The following TRIM44 variants were observed in gnomAD, a reference collection of about 807,000 sequenced individuals.
TRIM44 encodes the protein tripartite motif containing 44.
Under a neutral mutation model 37.4 loss-of-function variants are expected in TRIM44, and 13 were observed. The observed-to-expected ratio is 0.35, with a 90% CI of 0.23 to 0.55. The LOEUF (loss-of-function observed/expected upper bound fraction) is 0.55, where lower values mean the gene tolerates loss of function less well. TRIM44 is among the 20% of genes least tolerant of loss of function. The probability of loss-of-function intolerance (pLI) is 0.89; values close to 1 mark genes in which losing one functional copy is unlikely to be tolerated. For missense variants in TRIM44, 426 were observed against 437.2 expected (o/e 0.97, Z 0.23); for synonymous variants, 175 against 157.2 (o/e 1.11, Z -0.85).
intron 4 of TRIM44, among the ~76,000 whole-genome samples, chr11:35,782,187 G>A (rs10836450): frequency 0.041 from 6,304 of 152,226 alleles, 325 homozygotes; most frequent in East Asian, 0.14. Flanking sequence ...GTGAAGTCCA[G>A]CGGGTGGGGG....
Position 35,724,728 on chromosome 11 carries a change from A to C in TRIM44, c.748-1196A>C, listed in dbSNP as rs886661055. On this transcript the variant is annotated intron_variant, in intron 2 of 4. Transcript: ENST00000299413. ...CTTTGGTTTGCAGTTGTTATAAAATAAAACAATAATATATTTGCACCCATG... is the reference window on the plus strand; with the variant it reads ...CTTTGGTTTGCAGTTGTTATAAAATCAAACAATAATATATTTGCACCCATG... Among the ~76,000 whole-genome samples the C allele has an allele frequency of 2.0e-5, 3 of 152,232 alleles. No individual in the cohort carries two copies. In the East Asian group the frequency reaches 5.8e-4, roughly 29 times the overall value.
At chr11:35,751,745 T>G (rs1336464214) in intron 4 of TRIM44, among the ~76,000 whole-genome samples, 3 of 152,214 alleles carry the variant, frequency 2.0e-5, no homozygotes, top group Non-Finnish European at 4.4e-5. Context: ...ACCTGAGGCT[T>G]AAATGAGTCA....
intron 1 of TRIM44, among the ~76,000 whole-genome samples, chr11:35,680,619 GTGC>G (rs947301225): frequency 6.6e-6 from 1 of 152,098 alleles, no homozygotes; most frequent in African/African-American, 2.4e-5. Context: ...ATTACAAACA[GTGC>G]TGCAATAAAT....
intron 1 of TRIM44, among the ~76,000 whole-genome samples, chr11:35,676,054 C>G (rs191815541): frequency 6.6e-6 from 1 of 152,226 alleles, no homozygotes; most frequent in Non-Finnish European, 1.5e-5. Context: ...GCTTTGCAGT[C>G]TGTTTTTGAG....
chr11:35,804,159 A>T (rs1853415552), intron 4 of TRIM44, among the ~76,000 whole-genome samples: 3 of 152,188 alleles, frequency 2.0e-5, no homozygotes, highest in Admixed American at 2.0e-4. Context: ...AGTAATCAAT[A>T]AATGATATGC....
chr11:35,692,230 G>A (rs752038305), intron 2 of TRIM44, among the ~76,000 whole-genome samples: 6 of 152,066 alleles, frequency 3.9e-5, no homozygotes, highest in African/African-American at 1.4e-4. Flanking sequence ...CTCACTCAAA[G>A]CATCTGATTT....
chr11:35,693,214 G>A (rs1225141308), intron 2 of TRIM44, among the ~76,000 whole-genome samples: 2 of 152,150 alleles, frequency 1.3e-5, no homozygotes, highest in East Asian at 1.9e-4. Flanking sequence ...TACCTATTAA[G>A]TTAGGTTGTA....
chr11:35,741,081 GT>G (rs1564990508), intron 4 of TRIM44, among the ~76,000 whole-genome samples: 1 of 152,056 alleles, frequency 6.6e-6, no homozygotes, highest in African/African-American at 2.4e-5. Flanking sequence ...TGGTTGTTGC[GT>G]TGTCTTCATT....
At chr11:35,789,060 A>G (rs1380746764) in intron 4 of TRIM44, among the ~76,000 whole-genome samples, 1 of 152,310 alleles carries the variant, frequency 6.6e-6, no homozygotes, top group East Asian at 1.9e-4. Flanking sequence ...ACAACTCTCA[A>G]AAGAATTCTC....
At chr11:35,712,342 T>G (rs534926154) in intron 2 of TRIM44, among the ~76,000 whole-genome samples, 1 of 152,330 alleles carries the variant, frequency 6.6e-6, no homozygotes, top group East Asian at 1.9e-4. Flanking sequence ...AGGAATAACT[T>G]TACTTAAAGT....
intron 2 of TRIM44, among the ~76,000 whole-genome samples, chr11:35,720,710 C>T (rs1044484633): frequency 3.9e-5 from 6 of 151,918 alleles, no homozygotes; most frequent in Non-Finnish European, 8.8e-5. Context: ...AGGAAGCTCC[C>T]CCCCACCCCA....
chr11:35,759,638 CT>C (rs1204092377), intron 4 of TRIM44, among the ~76,000 whole-genome samples: 1 of 152,130 alleles, frequency 6.6e-6, no homozygotes, highest in South Asian at 2.1e-4. Context: ...GTTTTATCTA[CT>C]TTTGGTCTTT....
At chr11:35,672,379 G>C (rs912857080) in intron 1 of TRIM44, among the ~76,000 whole-genome samples, 2 of 152,128 alleles carry the variant, frequency 1.3e-5, no homozygotes, top group Non-Finnish European at 2.9e-5. Context: ...GTCATGTCCT[G>C]TGGTTTGAAA....
rs200935411 is a variant in TRIM44 at position 35,799,165 on chromosome 11, G to A, written c.1008-7193G>A. Among the ~76,000 whole-genome samples, 7 of 152,372 alleles carry A rather than the reference G, an allele frequency of 4.6e-5. No individual in the cohort carries two copies. In the East Asian group the frequency reaches 1.2e-3, roughly 25 times the overall value. On this transcript the variant is annotated intron_variant, in intron 4 of 4. Transcript: ENST00000299413. ...AGTCACCTCCCTATTGCAGGGCACT[G>A]CCTGGGCAGGCCTGCTGGCTCCTTT...
chr11:35,731,153 A>T (rs1367368283), intron 3 of TRIM44, among the ~76,000 whole-genome samples: 1 of 152,186 alleles, frequency 6.6e-6, no homozygotes, highest in Non-Finnish European at 1.5e-5. Flanking sequence ...GTAAAAGTGG[A>T]CATCCTTGCC....
chr11:35,694,999 T>C (rs75388112), intron 2 of TRIM44, among the ~76,000 whole-genome samples: 7 of 152,136 alleles, frequency 4.6e-5, no homozygotes, highest in African/African-American at 1.4e-4. Flanking sequence ...AAAACATGCA[T>C]TGAAAATAAC....
At chr11:35,735,241 G>C (rs1395635752) in intron 3 of TRIM44, among the ~76,000 whole-genome samples, 185 bp from the exon 4 acceptor site, 2 of 152,138 alleles carry the variant, frequency 1.3e-5, no homozygotes, top group African/African-American at 2.4e-5. Flanking sequence ...TCTCCACTGG[G>C]CAGTTTGAAC....
Position 35,706,172 on chromosome 11 carries a change from T to C in TRIM44, c.748-19752T>C, listed in dbSNP as rs1408862243. Among the ~76,000 whole-genome samples, 3 of 148,822 alleles carry C rather than the reference T, an allele frequency of 2.0e-5. 1 individual carries two copies. The highest frequency in any genetic ancestry group is 4.5e-5 in the Non-Finnish European group (3 of 66,156). ...AATTAGAAAATCTAGAAGAAATGGA[T>C]AAATTCCTTGACACATGCACCCTCC... is the stretch of plus-strand genomic sequence containing the variant. On this transcript the variant is annotated intron_variant, in intron 2 of 4. Transcript: ENST00000299413.
At chr11:35,736,578 G>A (rs1852328258) in intron 4 of TRIM44, among the ~76,000 whole-genome samples, 1 of 152,008 alleles carries the variant, frequency 6.6e-6, no homozygotes, top group Admixed American at 6.6e-5. Context: ...CATATCCTGA[G>A]CCTCTTTCTT....
Sources: gnomAD v4.1 joint callset for allele counts (sites outside exome capture counted in the v4.1 genomes callset) on GRCh38, gnomAD v4.1.1 for gene constraint, MANE v1.5 for transcripts, NCBI Gene and HGNC (gene_info 2026-07-23, HGNC 2026-07-21) for gene names.